DCAF5: variants seen among roughly 807,000 people sequenced by gnomAD.
DCAF5 encodes DDB1 and CUL4 associated factor 5.
DCAF5 carries 9 observed loss-of-function variants against 80.7 expected under a neutral mutation model. The observed-to-expected ratio is 0.11, with a 90% CI of 0.07 to 0.19. DCAF5 has a LOEUF of 0.19. Among genes scored for constraint, DCAF5 ranks in the 10% least tolerant of loss-of-function variants. DCAF5 has a pLI of 1.00. For synonymous variants in DCAF5, 433 were observed against 461.9 expected (o/e 0.94, Z 0.80); for missense variants, 842 against 1,205.7 (o/e 0.70, Z 4.47).
intron 5 of DCAF5, among the ~76,000 whole-genome samples, chr14:69,102,557 T>TA (rs2039992589): frequency 6.8e-6 from 1 of 147,342 alleles, no homozygotes; most frequent in Non-Finnish European, 1.5e-5. Context: ...TTTTTTTTTT[T>TA]ACTTTTTAAA....
At chr14:69,151,428 T>C (rs1030808632) in intron 1 of DCAF5, among the ~76,000 whole-genome samples, 3 of 152,076 alleles carry the variant, frequency 2.0e-5, no homozygotes, top group Admixed American at 1.3e-4. Flanking sequence ...ATCCCAGAAG[T>C]TTCTGGCGAG....
rs571983658 is a variant in DCAF5, at chr14:69,064,918, G to A, written c.947-2407C>T. The stretch of plus-strand genomic sequence containing the variant: ...GTATGTCAAAAGAAGACAGCTGGAA[G>A]GTCTCATATAAAGAATCAGCTATCA... On this transcript the variant is annotated intron_variant, in intron 7 of 8. Transcript: ENST00000341516. Among the ~76,000 whole-genome samples the A allele has an allele frequency of 3.3e-5, 5 of 152,210 alleles. No homozygotes were observed. In the South Asian group the frequency reaches 1.0e-3, roughly 32 times the overall value.
chr14:69,128,533 G>GA (rs1395024352), intron 1 of DCAF5, among the ~76,000 whole-genome samples: 6 of 151,702 alleles, frequency 4.0e-5, no homozygotes, highest in South Asian at 2.1e-4. Flanking sequence ...GATAGAAAAA[G>GA]AAAAAAAACA....
chr14:69,126,803 G>A (rs1158586958), intron 1 of DCAF5, among the ~76,000 whole-genome samples: 1 of 151,984 alleles, frequency 6.6e-6, no homozygotes, highest in African/African-American at 2.4e-5. Flanking sequence ...CAAAACAATG[G>A]AGCAAAAATG....
chr14:69,151,802 C>T (rs1048960382), intron 1 of DCAF5, among the ~76,000 whole-genome samples: 3 of 152,156 alleles, frequency 2.0e-5, no homozygotes, highest in Non-Finnish European at 4.4e-5. Flanking sequence ...AATAGGCTAT[C>T]GATTCAGCTG....
chr14:69,133,553 G>T (rs1031188033), intron 1 of DCAF5, among the ~76,000 whole-genome samples: 1 of 152,114 alleles, frequency 6.6e-6, no homozygotes, highest in African/African-American at 2.4e-5. Flanking sequence ...CAGGGAAGAG[G>T]CGGGGGTACA....
intron 5 of DCAF5, among the ~76,000 whole-genome samples, chr14:69,102,044 G>T (rs555974764): frequency 6.6e-6 from 1 of 151,830 alleles, no homozygotes; most frequent in African/African-American, 2.4e-5. Context: ...TTACACACAG[G>T]CTACGCTACA....
intron 1 of DCAF5, among the ~76,000 whole-genome samples, chr14:69,130,853 G>A (rs559980026): frequency 3.7e-4 from 56 of 152,298 alleles, no homozygotes; most frequent in Non-Finnish European, 6.3e-4. Context: ...GGAATAAAAG[G>A]ACTTGATTCA....
chr14:69,112,125 G>A lies in DCAF5; in HGVS notation c.665+4241C>T, dbSNP rs1023407345. ...TAATTTTTCAAACTCTAGTATATCA[G>A]GTAGACCAAAATATCTCTGTGGGTT... On this transcript the variant is annotated intron_variant, in intron 5 of 8. Transcript: ENST00000341516. 2.6e-5 allele frequency among the ~76,000 whole-genome samples: 4 copies of A among 152,140 alleles called. 1 individual carries two copies. The highest frequency in any genetic ancestry group is 4.4e-5 in the Non-Finnish European group (3 of 68,022).
intron 5 of DCAF5, among the ~76,000 whole-genome samples, chr14:69,110,876 C>CAAAAA (rs35812611): frequency 2.0e-4 from 9 of 45,532 alleles, no homozygotes; most frequent in African/African-American, 6.1e-4. Flanking sequence ...GACCCTGTCT[C>CAAAAA]AAAAAAAAAA....
chr14:69,090,191 A>G (rs1275325918), intron 6 of DCAF5: 1 of 817,698 alleles, frequency 1.2e-6, no homozygotes, highest in Non-Finnish European at 1.5e-6. Context: ...AAAAAGGAAG[A>G]GAGGGAGAGA....
At chr14:69,108,389 ATG>A (rs753406669) in intron 5 of DCAF5, among the ~76,000 whole-genome samples, 1 of 152,194 alleles carries the variant, frequency 6.6e-6, no homozygotes, top group Non-Finnish European at 1.5e-5. Context: ...CTCTATGTGT[ATG>A]TGTTTTGGGG....
chr14:69,080,305 G>C (rs1329007906), intron 6 of DCAF5, among the ~76,000 whole-genome samples: 1 of 152,016 alleles, frequency 6.6e-6, no homozygotes, highest in Non-Finnish European at 1.5e-5. Context: ...TGCTTAAGAG[G>C]ACCACCAGGA....
chr14:69,119,096 T>C (rs2040627595), intron 3 of DCAF5, 98 bp downstream of exon 3: 1 of 1,263,776 alleles, frequency 7.9e-7, no homozygotes, highest in Non-Finnish European at 1.1e-6. Flanking sequence ...ATGTTGTTTT[T>C]TTCAAAAAAC....
chr14:69,068,199 G>A (rs535683519), intron 7 of DCAF5, among the ~76,000 whole-genome samples: 2 of 152,152 alleles, frequency 1.3e-5, no homozygotes, highest in East Asian at 3.9e-4. Flanking sequence ...CTCTCTGAAG[G>A]CAAAAAATGT....
rs368742457 is a variant in DCAF5, at chr14:69,105,943, AT to A, written c.665+10422del. Reference sequence around the variant, plus strand: ...TATATATATATATATATATATATATATATCTCCTATTGGTTCTGTTCCTCTG... The same window carrying A: ...TATATATATATATATATATATATATAATCTCCTATTGGTTCTGTTCCTCTG... On this transcript the variant is annotated intron_variant, in intron 5 of 8. Coordinates refer to ENST00000341516, the MANE Select transcript of DCAF5 (RefSeq NM_003861.3). Among the ~76,000 whole-genome samples the A allele has an allele frequency of 7.5e-4, 56 of 74,202 alleles. 9 individuals carry two copies. Among genetic ancestry groups the A allele is most frequent in the Non-Finnish European group, 1.3e-3 (37 of 27,918 alleles). The allele number at this position is 74,202 out of a possible 152,430, so 48.7% of individuals were successfully genotyped here. A position where few individuals can be genotyped will look rare whatever the true frequency, so the allele number is the denominator to read the frequency against.
At chr14:69,081,634 G>A (rs747182193) in intron 6 of DCAF5, among the ~76,000 whole-genome samples, 2 of 151,906 alleles carry the variant, frequency 1.3e-5, no homozygotes, top group Non-Finnish European at 2.9e-5. Context: ...TAGATTTCAG[G>A]AAGGAACCAC....
Position 69,152,475 on chromosome 14 carries a change from C to A in DCAF5, c.214+290G>T, listed in dbSNP as rs1194193312. ...CTTTGTAGAGCGGTAACCTCGCCCC[C>A]CTCCCCGACCTACACTTTCAGGGCA... On this transcript the variant is annotated intron_variant, in intron 1 of 8. Coordinates refer to ENST00000341516, the MANE Select transcript of DCAF5 (RefSeq NM_003861.3). This position sits in a 1 kb window ranked among gnomAD's most constrained non-coding sequence, Gnocchi z 4.1. 3 of 321,342 alleles carry A rather than the reference C, an allele frequency of 9.3e-6. No individual in the cohort carries two copies. Among genetic ancestry groups the A allele is most frequent in the African/African-American group, 2.1e-5 (1 of 46,652 alleles). 19.9% of individuals were successfully genotyped at this position (321,342 alleles called of 1,614,324 possible).
At chr14:69,150,365 A>G (rs1157743789) in intron 1 of DCAF5, among the ~76,000 whole-genome samples, 2 of 152,196 alleles carry the variant, frequency 1.3e-5, no homozygotes, top group Non-Finnish European at 2.9e-5. Flanking sequence ...GGTCTGCCAG[A>G]GCCTCCTCTG....
Sources: allele counts gnomAD v4.1 joint callset (sites outside exome capture counted in the v4.1 genomes callset), GRCh38; gene constraint gnomAD v4.1.1; non-coding constraint Gnocchi (gnomAD v3.1); transcripts MANE v1.5; gene names NCBI Gene and HGNC (gene_info 2026-07-23, HGNC 2026-07-21).